The following HSD17B3 variants were observed in gnomAD, a reference collection of about 807,000 sequenced individuals.
The protein encoded by HSD17B3 is 17-beta-hydroxysteroid dehydrogenase type 3.
A neutral mutation model predicts 41.1 loss-of-function variants in HSD17B3; 29 were observed. The observed-to-expected ratio is 0.71, with a 90% CI of 0.53 to 0.96. The LOEUF is 0.96. HSD17B3 is among the 40% of genes least tolerant of loss of function. The pLI, the probability that HSD17B3 is intolerant of heterozygous loss-of-function variation, is 0.00. For synonymous variants in HSD17B3, 126 were observed against 145.6 expected (o/e 0.87, Z 0.97); for missense variants, 323 against 374.6 (o/e 0.86, Z 1.14).
intron 7 of HSD17B3, among the ~76,000 whole-genome samples, chr9:96,246,109 T>G (rs914457095): frequency 6.6e-6 from 1 of 152,078 alleles, no homozygotes; most frequent in Admixed American, 6.5e-5. Flanking sequence ...AACTCCCAAA[T>G]GGGCATTGGA....
intron 7 of HSD17B3, 147 bp from the exon 8 acceptor site, chr9:96,245,573 G>A (rs1836629336): frequency 1.4e-6 from 1 of 698,358 alleles, no homozygotes; most frequent in East Asian, 2.7e-5. Context: ...TCTAGGAATG[G>A]TAAGTGAACT....
At chr9:96,240,678 G>A (rs1836402890) in intron 10 of HSD17B3, 80 bp downstream of exon 10, 1 of 1,399,558 alleles carries the variant, frequency 7.1e-7, no homozygotes, top group Admixed American at 1.7e-5. Flanking sequence ...CAGCAGCAAG[G>A]AAGAGCTAGC....
intron 3 of HSD17B3, among the ~76,000 whole-genome samples, chr9:96,253,967 T>C (rs901043954): frequency 6.6e-6 from 1 of 151,712 alleles, no homozygotes; most frequent in East Asian, 1.9e-4. Context: ...CTGTCCCAAA[T>C]CTCCCCCAGG....
Position 96,255,850 on chromosome 9 carries a change from G to T in HSD17B3, c.202-907C>A, listed in dbSNP as rs560485598. Among the ~76,000 whole-genome samples the T allele has an allele frequency of 6.6e-5, 10 of 152,320 alleles. No homozygotes were observed. In the East Asian group the frequency reaches 1.9e-3, roughly 29 times the overall value. Reference sequence around the variant, plus strand: ...GGACGCGTCCCCTGAGATCAGCAGGGCGGCCCTGCAGAGTGGATAATGCCT... The same window carrying T: ...GGACGCGTCCCCTGAGATCAGCAGGTCGGCCCTGCAGAGTGGATAATGCCT... On this transcript the variant is annotated intron_variant, in intron 2 of 10. Coordinates refer to ENST00000375263, the MANE Select transcript of HSD17B3 (RefSeq NM_000197.2).
intron 3 of HSD17B3, 92 bp from the exon 4 acceptor site, chr9:96,253,002 C>T (rs1212648819): frequency 1.2e-6 from 1 of 823,540 alleles, no homozygotes; most frequent in East Asian, 2.4e-5. Flanking sequence ...ATTACCTGAG[C>T]AGACATTGAA....
intron 2 of HSD17B3, among the ~76,000 whole-genome samples, chr9:96,275,453 A>G (rs1391268475): frequency 6.6e-6 from 1 of 152,136 alleles, no homozygotes; most frequent in African/African-American, 2.4e-5. Context: ...GATGGCACAC[A>G]CCTGTGGTCT....
chr9:96,246,399 T>C (rs890424721), intron 7 of HSD17B3, 157 bp downstream of exon 7: 3 of 732,276 alleles, frequency 4.1e-6, no homozygotes, highest in Admixed American at 2.0e-5. Context: ...CCCAGAACGT[T>C]ATGTTTTTTT....
intron 2 of HSD17B3, among the ~76,000 whole-genome samples, chr9:96,290,450 C>T (rs947275841): frequency 1.7e-5 from 2 of 116,042 alleles, no homozygotes; most frequent in Non-Finnish European, 1.7e-5. Context: ...TGTGGTATTT[C>T]CTGGGCTTTT....
chr9:96,254,792 A>T, intron 3 of HSD17B3, 76 bp downstream of exon 3: 2 of 1,244,272 alleles, frequency 1.6e-6, no homozygotes, highest in Non-Finnish European at 2.4e-6. Context: ...GATGCCAAGT[A>T]CATCAACTGG....
rs869145717 is a variant in HSD17B3, at chr9:96,255,367, C to CTTTTTTTTTTTTTTTTTT, written c.202-442_202-425dup. Among the ~76,000 whole-genome samples, 42 of 54,566 alleles carry CTTTTTTTTTTTTTTTTTT rather than the reference C, an allele frequency of 7.7e-4. 8 individuals are homozygous for CTTTTTTTTTTTTTTTTTT. Among genetic ancestry groups the CTTTTTTTTTTTTTTTTTT allele is most frequent in the Non-Finnish European group, 9.8e-4 (29 of 29,474 alleles). The allele number at this position is 54,566 out of a possible 152,430, so 35.8% of individuals were successfully genotyped here. On this transcript the variant is annotated intron_variant, in intron 2 of 10. Transcript: ENST00000375263. ...AAGCAGTGTTTCTGCCCCAACATTT[C>CTTTTTTTTTTTTTTTTTT]TTTTTTTTTTTTTTTTTTTTTTTTT... is the stretch of plus-strand genomic sequence containing the variant.
intron 2 of HSD17B3, among the ~76,000 whole-genome samples, chr9:96,270,108 A>T (rs1826186041): frequency 6.6e-6 from 1 of 152,182 alleles, no homozygotes; most frequent in Admixed American, 6.6e-5. Context: ...TAAATGTGGC[A>T]TACAGGCAGC....
At chr9:96,237,246 A>G (rs779018881) in intron 10 of HSD17B3, among the ~76,000 whole-genome samples, 10 of 152,166 alleles carry the variant, frequency 6.6e-5, no homozygotes, top group Non-Finnish European at 1.3e-4. Flanking sequence ...AAAAGTCCTA[A>G]AAGAGTCCCT....
At chr9:96,238,920 G>A (rs1296549940) in intron 10 of HSD17B3, among the ~76,000 whole-genome samples, 2 of 152,214 alleles carry the variant, frequency 1.3e-5, no homozygotes, top group Admixed American at 6.5e-5. Context: ...GGTGAGACAG[G>A]TGCTGAGATT....
chr9:96,235,394 T>C lies in HSD17B3; in HGVS notation c.*66A>G. The C allele has an allele frequency of 9.1e-7, 1 of 1,101,342 alleles. No homozygotes were observed. Among genetic ancestry groups the C allele is most frequent in the East Asian group, 2.5e-5 (1 of 40,536 alleles). The allele number at this position is 1,101,342 out of a possible 1,614,324, so 68.2% of individuals were successfully genotyped here. A position where few individuals can be genotyped will look rare whatever the true frequency, so the allele number is the denominator to read the frequency against. On this transcript the variant is annotated 3_prime_UTR_variant, in exon 11 of 11. Transcript: ENST00000375263. ...CTAGGTTGAAGTGCTGGTCTGCTCC[T>C]CTGGTCCTCTTCAGCCAGCATGGGA...
chr9:96,290,887 T>C (rs1475973509), intron 2 of HSD17B3, among the ~76,000 whole-genome samples: 1 of 151,514 alleles, frequency 6.6e-6, no homozygotes, highest in Non-Finnish European at 1.5e-5. Context: ...CTGCCCTCTC[T>C]AACTAGAGGA....
chr9:96,290,788 C>T (rs753552813), intron 2 of HSD17B3, among the ~76,000 whole-genome samples: 3 of 151,674 alleles, frequency 2.0e-5, no homozygotes, highest in East Asian at 1.9e-4. Flanking sequence ...AAGCCGAGAT[C>T]GCGCCACTGC....
intron 2 of HSD17B3, among the ~76,000 whole-genome samples, chr9:96,283,539 T>C (rs1826789113): frequency 6.6e-6 from 1 of 152,186 alleles, no homozygotes; most frequent in Non-Finnish European, 1.5e-5. Flanking sequence ...TATAAAATAG[T>C]GTGTGGCTTT....
intron 2 of HSD17B3, among the ~76,000 whole-genome samples, chr9:96,295,149 G>GGCGT: frequency 6.9e-6 from 1 of 144,396 alleles, no homozygotes; most frequent in Non-Finnish European, 1.5e-5. Context: ...TGGGATTACA[G>GGCGT]GTAAGCACCA....
chr9:96,250,966 G>A (rs1836876610), intron 5 of HSD17B3, among the ~76,000 whole-genome samples: 2 of 151,712 alleles, frequency 1.3e-5, no homozygotes, highest in Admixed American at 1.3e-4. Flanking sequence ...TCTGAGCCAA[G>A]TTTACTGAAC....
Sources: gnomAD v4.1 joint callset for allele counts (sites outside exome capture counted in the v4.1 genomes callset) on GRCh38, gnomAD v4.1.1 for gene constraint, MANE v1.5 for transcripts, NCBI Gene and HGNC (gene_info 2026-07-23, HGNC 2026-07-21) for gene names.